Variants in MVB12B observed in about 807,000 individuals in gnomAD.
MVB12B encodes ESCRT-I complex subunit MVB12B.
A neutral mutation model predicts 41.6 loss-of-function variants in MVB12B; 16 were observed. That is an observed-to-expected ratio of 0.38 (90% CI 0.26 to 0.58). The LOEUF is 0.58. MVB12B is among the 20% of genes least tolerant of loss of function. MVB12B has a pLI of 0.62. For synonymous variants in MVB12B, 133 were observed against 139.7 expected (o/e 0.95, Z 0.34); for missense variants, 274 against 380.2 (o/e 0.72, Z 2.32).
At chr9:126,370,018 T>C (rs77687655) in intron 2 of MVB12B, among the ~76,000 whole-genome samples, 11,580 of 152,274 alleles carry the variant, frequency 0.076, 574 homozygotes, top group Middle Eastern at 0.16. Context: ...CTCTAGTTCA[T>C]GTATTTTCAA....
intron 2 of MVB12B, among the ~76,000 whole-genome samples, chr9:126,343,505 C>G (rs991922575): frequency 6.6e-6 from 1 of 152,220 alleles, no homozygotes; most frequent in African/African-American, 2.4e-5. Flanking sequence ...TTACAAGCCA[C>G]TCTGGGATGT....
At chr9:126,469,543 G>A (rs539491343) in intron 7 of MVB12B, among the ~76,000 whole-genome samples, 16 of 152,334 alleles carry the variant, frequency 1.1e-4, no homozygotes, top group Admixed American at 2.6e-4. Flanking sequence ...GGGGACAGGC[G>A]TGCTCCGTAG....
intron 7 of MVB12B, among the ~76,000 whole-genome samples, chr9:126,450,891 C>A (rs1186620340): frequency 1.3e-5 from 2 of 152,136 alleles, no homozygotes; most frequent in Non-Finnish European, 2.9e-5. Context: ...GGAATGACAC[C>A]CTGTATCCCA....
In MVB12B at chr9:126,503,302, A is replaced by G. The variant is rs1588219478; in HGVS notation, c.*39A>G. On this transcript the variant is annotated 3_prime_UTR_variant, in exon 10 of 10. Coordinates refer to ENST00000361171, the MANE Select transcript of MVB12B (RefSeq NM_033446.3). ...ACCTGCGGGGAGACCACCGCCGCCC[A>G]GACTACTGACGGCAGGGGCTGCTGC... The G allele has an allele frequency of 6.7e-7, 1 of 1,502,606 alleles. No individual in the cohort carries two copies. Among genetic ancestry groups the G allele is most frequent in the Non-Finnish European group, 9.0e-7 (1 of 1,105,214 alleles). 93.1% of individuals were successfully genotyped at this position (1,502,606 alleles called of 1,614,324 possible).
intron 7 of MVB12B, among the ~76,000 whole-genome samples, chr9:126,429,244 A>G (rs1832266707): frequency 6.6e-6 from 1 of 152,192 alleles, no homozygotes; most frequent in African/African-American, 2.4e-5. Context: ...GCCCTGACTG[A>G]CAACAAAATC....
chr9:126,460,987 C>G (rs79307584), intron 7 of MVB12B, among the ~76,000 whole-genome samples: 2,501 of 152,324 alleles, frequency 0.016, 29 homozygotes, highest in South Asian at 0.025. Flanking sequence ...CCACCACCAC[C>G]CTTTTTGCGA....
chr9:126,429,469 A>G lies in MVB12B; in HGVS notation c.757+7521A>G, dbSNP rs1232934692. Reference sequence around the variant, plus strand: ...TGCTTTCTTGATTAAACCTTCCGTCACTTAAGAAACAAAAAGCCTGTGTTT... The same window carrying G: ...TGCTTTCTTGATTAAACCTTCCGTCGCTTAAGAAACAAAAAGCCTGTGTTT... On this transcript the variant is annotated intron_variant, in intron 7 of 9. Transcript: ENST00000361171. Among the ~76,000 whole-genome samples, 13 of 152,158 alleles carry G rather than the reference A, an allele frequency of 8.5e-5. No homozygotes were observed. The East Asian group carries it at 2.5e-3, about 29-fold the overall frequency.
At chr9:126,483,888 G>A in intron 8 of MVB12B, 85 bp from the exon 9 acceptor site, 3 of 1,382,740 alleles carry the variant, frequency 2.2e-6, no homozygotes, top group Non-Finnish European at 3.1e-6. Flanking sequence ...CGTGGCTTGA[G>A]GTGTTACCAT....
chr9:126,495,927 G>A (rs1588213514), intron 9 of MVB12B, among the ~76,000 whole-genome samples: 1 of 152,218 alleles, frequency 6.6e-6, no homozygotes, highest in East Asian at 1.9e-4. Flanking sequence ...ATCATCCACA[G>A]GTGTGACATG....
chr9:126,503,299 C>T lies in MVB12B; in HGVS notation c.*36C>T. On this transcript the variant is annotated 3_prime_UTR_variant, in exon 10 of 10. Coordinates refer to ENST00000361171, the MANE Select transcript of MVB12B (RefSeq NM_033446.3). ...GCCACCTGCGGGGAGACCACCGCCG[C>T]CCAGACTACTGACGGCAGGGGCTGC... 1 of 1,504,168 alleles carries T rather than the reference C, an allele frequency of 6.6e-7. No homozygotes were observed. Among genetic ancestry groups the T allele is most frequent in the Non-Finnish European group, 9.0e-7 (1 of 1,106,222 alleles). 93.2% of individuals were successfully genotyped at this position (1,504,168 alleles called of 1,614,324 possible). A position where few individuals can be genotyped will look rare whatever the true frequency, so the allele number is the denominator to read the frequency against.
intron 7 of MVB12B, among the ~76,000 whole-genome samples, chr9:126,446,938 C>CTTTTTTTTTTTTTTTTTTTTTTTTTTTTT (rs33991689): frequency 9.6e-6 from 1 of 104,324 alleles, no homozygotes; most frequent in Non-Finnish European, 1.8e-5. Context: ...TTTTAACTTT[C>CTTTTTTTTTTTTTTTTTTTTTTTTTTTTT]TTTTTTTTTT....
At position 126,436,561 on chromosome 9, in the gene MVB12B, T is replaced by G. The variant is rs1205679164; in HGVS notation, c.757+14613T>G. On this transcript the variant is annotated intron_variant, in intron 7 of 9. Transcript: ENST00000361171. This position sits in a 1 kb window ranked among gnomAD's most constrained non-coding sequence, Gnocchi z 4.1. Reference sequence around the variant, plus strand: ...GAGTATACCTATGACTTTTCATTTGTAAATGCTTTAGCTACATGTATGTGT... The same window carrying G: ...GAGTATACCTATGACTTTTCATTTGGAAATGCTTTAGCTACATGTATGTGT... 1.8e-4 allele frequency among the ~76,000 whole-genome samples: 28 copies of G among 152,266 alleles called. No individual in the cohort carries two copies. The highest frequency in any genetic ancestry group is 1.8e-3 in the Admixed American group (28 of 15,290).
intron 6 of MVB12B, chr9:126,396,457 C>T (rs937531057): frequency 2.5e-5 from 25 of 985,354 alleles, no homozygotes; most frequent in African/African-American, 2.4e-4. Context: ...ATTGACATAA[C>T]GTAAATGAGA....
intron 9 of MVB12B, among the ~76,000 whole-genome samples, chr9:126,494,747 A>G (rs1474904132): frequency 1.3e-5 from 2 of 152,148 alleles, no homozygotes; most frequent in African/African-American, 2.4e-5. Context: ...AGTGGTGGCA[A>G]TCAGTGTGGT....
chr9:126,390,866 C>G (rs1252818894), intron 4 of MVB12B, among the ~76,000 whole-genome samples: 1 of 151,158 alleles, frequency 6.6e-6, no homozygotes, highest in Non-Finnish European at 1.5e-5. Context: ...GCAGGAGAAT[C>G]ACTTGAACCC....
intron 7 of MVB12B, among the ~76,000 whole-genome samples, chr9:126,422,599 G>T (rs975677078): frequency 6.6e-6 from 1 of 152,164 alleles, no homozygotes; most frequent in East Asian, 1.9e-4. Flanking sequence ...ACTCGCCTCC[G>T]ATTATCCTGG....
intron 7 of MVB12B, among the ~76,000 whole-genome samples, chr9:126,464,863 C>G (rs960545948): frequency 7.9e-5 from 12 of 152,216 alleles, no homozygotes; most frequent in Non-Finnish European, 1.8e-4. Context: ...CAGACTCCTT[C>G]TGGGGGGCAT....
chr9:126,340,968 G>A lies in MVB12B; in HGVS notation c.204+338G>A, dbSNP rs760598468. On this transcript the variant is annotated intron_variant, in intron 2 of 9. Transcript: ENST00000361171. The surrounding 1 kb of genome is among the most constrained non-coding windows in gnomAD (Gnocchi z 4.0). ...GTGGTTTTCATATATTGTCATGCAT[G>A]TGTAAATATTGTAAAGGCATTGTCC... Among the ~76,000 whole-genome samples, 3 of 152,240 alleles carry A rather than the reference G, an allele frequency of 2.0e-5. No homozygotes were observed. The highest frequency in any genetic ancestry group is 4.4e-5 in the Non-Finnish European group (3 of 68,044).
chr9:126,393,374 A>G (rs1303547967), intron 5 of MVB12B, among the ~76,000 whole-genome samples: 3 of 152,212 alleles, frequency 2.0e-5, no homozygotes, highest in African/African-American at 7.2e-5. Context: ...CTGGTGCTAC[A>G]GTAGCTCCAC....
Sources: allele counts gnomAD v4.1 joint callset (sites outside exome capture counted in the v4.1 genomes callset), GRCh38; gene constraint gnomAD v4.1.1; non-coding constraint Gnocchi (gnomAD v3.1); transcripts MANE v1.5; gene names NCBI Gene and HGNC (gene_info 2026-07-23, HGNC 2026-07-21).